Variants in PRKG1 observed in about 807,000 individuals in gnomAD.
The protein encoded by PRKG1 is cGMP-dependent protein kinase 1.
Under a neutral mutation model 88.1 loss-of-function variants are expected in PRKG1, and 35 were observed. The observed-to-expected ratio is 0.40, with a 90% CI of 0.30 to 0.53. The LOEUF (loss-of-function observed/expected upper bound fraction) is 0.53. Among genes scored for constraint, PRKG1 ranks in the 20% least tolerant of loss-of-function variants. The pLI is 0.59. For missense variants in PRKG1, 540 were observed against 839.8 expected (o/e 0.64, Z 4.41); for synonymous variants, 303 against 292.5 (o/e 1.04, Z -0.37).
At chr10:52,293,767 A>G in intron 17 of PRKG1, 35 bp from the exon 18 acceptor site, 1 of 1,555,084 alleles carries the variant, frequency 6.4e-7, no homozygotes, top group Non-Finnish European at 8.9e-7. Context: ...CCACTAAAAA[A>G]AATCCACTAA....
chr10:51,954,676 T>C (rs923935041), intron 5 of PRKG1, among the ~76,000 whole-genome samples: 2 of 152,232 alleles, frequency 1.3e-5, no homozygotes, highest in Admixed American at 6.5e-5. Flanking sequence ...TGTATGTATC[T>C]TGGCGATTTG....
At chr10:51,781,739 G>C (rs975141979) in intron 3 of PRKG1, among the ~76,000 whole-genome samples, 1 of 152,106 alleles carries the variant, frequency 6.6e-6, no homozygotes, top group African/African-American at 2.4e-5. Flanking sequence ...GCTGTAGCAA[G>C]TATGTTTCTA....
chr10:51,743,098 C>A (rs1837476865), intron 3 of PRKG1, among the ~76,000 whole-genome samples: 1 of 152,086 alleles, frequency 6.6e-6, no homozygotes, highest in Non-Finnish European at 1.5e-5. Context: ...ACCGGCAGCT[C>A]TTTCTCCGGG....
chr10:51,469,520 T>G (rs540785875), intron 3 of PRKG1, among the ~76,000 whole-genome samples: 13 of 151,882 alleles, frequency 8.6e-5, no homozygotes, highest in Admixed American at 2.0e-4. Context: ...GTTTGCTTCA[T>G]AAACATCAGT....
chr10:51,628,457 C>G (rs1839430717), intron 3 of PRKG1, among the ~76,000 whole-genome samples: 1 of 151,940 alleles, frequency 6.6e-6, no homozygotes, highest in Non-Finnish European at 1.5e-5. Flanking sequence ...GCCACTACCC[C>G]CAGCCTGGTC....
chr10:51,734,511 A>G (rs998952788), intron 3 of PRKG1, among the ~76,000 whole-genome samples: 2 of 152,212 alleles, frequency 1.3e-5, no homozygotes, highest in South Asian at 2.1e-4. Context: ...AGAAGTCACA[A>G]TGAGATCAGT....
chr10:52,057,831 G>A (rs761673930), intron 6 of PRKG1, among the ~76,000 whole-genome samples: 1 of 151,858 alleles, frequency 6.6e-6, no homozygotes, highest in Non-Finnish European at 1.5e-5. Context: ...AATTTTATTT[G>A]CATATGTATA....
chr10:51,101,381 C>T (rs1210679693), intron 1 of PRKG1, among the ~76,000 whole-genome samples: 1 of 152,088 alleles, frequency 6.6e-6, no homozygotes, highest in East Asian at 1.9e-4. Flanking sequence ...TTGGACTTCC[C>T]AATGTCCAGA....
chr10:51,088,398 T>TG (rs1465962569), intron 1 of PRKG1, among the ~76,000 whole-genome samples: 1 of 151,764 alleles, frequency 6.6e-6, no homozygotes, highest in East Asian at 1.9e-4. Flanking sequence ...TTCAGTTTTT[T>TG]TTTTTTTTTT....
intron 3 of PRKG1, among the ~76,000 whole-genome samples, chr10:51,779,404 A>C (rs541006092): frequency 1.3e-5 from 2 of 152,162 alleles, no homozygotes; most frequent in Non-Finnish European, 2.9e-5. Flanking sequence ...AGCCAAATCC[A>C]AATCCCAATG....
In PRKG1 at chr10:51,737,743, T is replaced by A. The variant is rs1284321751; in HGVS notation, c.593-66842T>A. On this transcript the variant is annotated intron_variant, in intron 3 of 17. Coordinates refer to ENST00000373980, the MANE Select transcript of PRKG1 (RefSeq NM_006258.4). Reference sequence around the variant, plus strand: ...TTTATTTATTTATTTATTTATTAATTATTATTATTATTATTATTATTATTA... The same window carrying A: ...TTTATTTATTTATTTATTTATTAATAATTATTATTATTATTATTATTATTA... Among the ~76,000 whole-genome samples the A allele has an allele frequency of 6.6e-5, 7 of 105,690 alleles. No individual in the cohort carries two copies. In the South Asian group the frequency reaches 2.0e-3, roughly 30 times the overall value. The allele number at this position is 105,690 out of a possible 152,430, so 69.3% of individuals were successfully genotyped here. A position where few individuals can be genotyped will look rare whatever the true frequency, so the allele number is the denominator to read the frequency against.
chr10:51,575,947 A>G (rs1326994613), intron 3 of PRKG1, among the ~76,000 whole-genome samples: 2 of 152,012 alleles, frequency 1.3e-5, no homozygotes, highest in African/African-American at 4.8e-5. Context: ...ATATACAAAT[A>G]ATACATATTC....
chr10:51,043,319 G>C lies in PRKG1; in HGVS notation c.266+51675G>C, dbSNP rs375541387. On this transcript the variant is annotated intron_variant, in intron 1 of 17. Coordinates refer to the PRKG1 transcript ENST00000401604. ...TTTCACCACTGCAGAATGAATACCT[G>C]TTTCATAAGGTAATTATGATAAATT... Among the ~76,000 whole-genome samples the C allele has an allele frequency of 7.2e-5, 11 of 152,204 alleles. No individual in the cohort carries two copies. The East Asian group carries it at 1.5e-3, about 21-fold the overall frequency.
intron 1 of PRKG1, among the ~76,000 whole-genome samples, chr10:51,101,862 T>A (rs1182704015): frequency 1.3e-5 from 2 of 152,054 alleles, no homozygotes; most frequent in Non-Finnish European, 2.9e-5. Context: ...GGGCCTGGGG[T>A]AAAATTGAGG....
intron 3 of PRKG1, among the ~76,000 whole-genome samples, chr10:51,616,843 CA>C (rs1340846776): frequency 6.6e-6 from 1 of 152,066 alleles, no homozygotes; most frequent in East Asian, 1.9e-4. Context: ...ACATGCACAC[CA>C]CTTGCTCCTC....
intron 2 of PRKG1, among the ~76,000 whole-genome samples, chr10:51,454,344 A>G (rs1268412222): frequency 6.6e-6 from 1 of 152,074 alleles, no homozygotes; most frequent in Non-Finnish European, 1.5e-5. Context: ...AATTCAAACT[A>G]TACTACAAGG....
Position 51,074,912 on chromosome 10 carries a change from G to A in PRKG1, c.311+11G>A, listed in dbSNP as rs1843907302. 3 of 1,586,870 alleles carry A rather than the reference G, an allele frequency of 1.9e-6. No individual in the cohort carries two copies. The South Asian group carries it at 3.4e-5, about 18-fold the overall frequency. On this transcript the variant is annotated intron_variant, in intron 1 of 17. Coordinates refer to ENST00000373980, the MANE Select transcript of PRKG1 (RefSeq NM_006258.4). The stretch of plus-strand genomic sequence containing the variant: ...CCCCAAGAGCCCACAGTAAGCAGGG[G>A]TGACGCGCCGGGTCCATGTGGCGCC...
intron 17 of PRKG1, among the ~76,000 whole-genome samples, chr10:52,291,570 A>G (rs949929624): frequency 2.0e-5 from 3 of 152,066 alleles, no homozygotes; most frequent in African/African-American, 7.2e-5. Flanking sequence ...ACGTCCCTAC[A>G]AAGGACATGA....
rs368492368 is a variant in PRKG1, at chr10:52,215,149, C to T, written c.1077-36421C>T. ...GTGGCTCATGCCTGTAATCCCTACA[C>T]TTTGGGAGGTGGAGGCAGGCAGATC... On this transcript the variant is annotated intron_variant, in intron 9 of 17. Coordinates refer to ENST00000373980, the MANE Select transcript of PRKG1 (RefSeq NM_006258.4). Among the ~76,000 whole-genome samples the T allele has an allele frequency of 1.1e-3, 160 of 151,984 alleles. 1 individual carries two copies. The Middle Eastern group carries it at 0.014, about 13-fold the overall frequency.
Sources: allele counts gnomAD v4.1 joint callset (sites outside exome capture counted in the v4.1 genomes callset), GRCh38; gene constraint gnomAD v4.1.1; transcripts MANE v1.5; gene names NCBI Gene and HGNC (gene_info 2026-07-23, HGNC 2026-07-21).